The following DENND1A variants were observed in gnomAD, a reference collection of about 807,000 sequenced individuals.
DENND1A encodes the protein DENN domain containing 1A.
Under a neutral mutation model 113.7 loss-of-function variants are expected in DENND1A, and 51 were observed. The observed-to-expected ratio is 0.45, with a 90% confidence interval of 0.36 to 0.57. The LOEUF is 0.57. DENND1A is among the 20% of genes least tolerant of loss of function. DENND1A has a pLI of 0.00. For missense variants in DENND1A, 1,258 were observed against 1,395.9 expected (o/e 0.90, Z 1.57); for synonymous variants, 565 against 570.8 (o/e 0.99, Z 0.14).
At chr9:123,868,412 A>G (rs1846082194) in intron 2 of DENND1A, among the ~76,000 whole-genome samples, 1 of 152,228 alleles carries the variant, frequency 6.6e-6, no homozygotes, top group Non-Finnish European at 1.5e-5. Flanking sequence ...GCTTTAAACA[A>G]AAGTAAGTTA....
At chr9:123,748,347 T>C (rs370811867) in intron 5 of DENND1A, among the ~76,000 whole-genome samples, 2 of 152,234 alleles carry the variant, frequency 1.3e-5, no homozygotes, top group South Asian at 2.1e-4. Flanking sequence ...AGAAAGTGTA[T>C]CTTTATAATC....
At chr9:123,651,383 C>T (rs2062643374) in intron 9 of DENND1A, among the ~76,000 whole-genome samples, 1 of 152,210 alleles carries the variant, frequency 6.6e-6, no homozygotes, top group South Asian at 2.1e-4. Context: ...CACCTGAGCA[C>T]ATGCACGTAC....
intron 18 of DENND1A, among the ~76,000 whole-genome samples, chr9:123,450,223 A>C (rs953530570): frequency 2.0e-5 from 3 of 152,120 alleles, no homozygotes; most frequent in Non-Finnish European, 4.4e-5. Flanking sequence ...AGGTAAGCCC[A>C]CGGCATTCTG....
chr9:123,922,366 G>T (rs182777620), intron 1 of DENND1A, among the ~76,000 whole-genome samples: 2 of 152,206 alleles, frequency 1.3e-5, no homozygotes, highest in Admixed American at 1.3e-4. Context: ...CAGTAAAAAA[G>T]TGAGCATACA....
chr9:123,686,721 T>C (rs2064833761), intron 5 of DENND1A, among the ~76,000 whole-genome samples: 1 of 152,226 alleles, frequency 6.6e-6, no homozygotes, highest in Non-Finnish European at 1.5e-5. Context: ...TGCTATACCC[T>C]AAATGCATAT....
intron 5 of DENND1A, among the ~76,000 whole-genome samples, chr9:123,686,380 A>G (rs12003386): frequency 0.073 from 11,139 of 152,278 alleles, 494 homozygotes; most frequent in Middle Eastern, 0.12. Context: ...ACGTACAATG[A>G]TAAATCCTGA....
At chr9:123,446,822 T>TA (rs1200635391) in intron 18 of DENND1A, among the ~76,000 whole-genome samples, 6 of 150,214 alleles carry the variant, frequency 4.0e-5, no homozygotes, top group Non-Finnish European at 8.9e-5. Context: ...AAAAACAAAA[T>TA]AAAAAAAAGA....
intron 13 of DENND1A, among the ~76,000 whole-genome samples, chr9:123,530,969 T>C (rs1030213370): frequency 1.3e-5 from 2 of 152,206 alleles, no homozygotes; most frequent in African/African-American, 2.4e-5. Flanking sequence ...TGGTTGACCT[T>C]GATAACTGAA....
intron 1 of DENND1A, among the ~76,000 whole-genome samples, chr9:123,920,426 T>A (rs1856019344): frequency 6.6e-6 from 1 of 152,104 alleles, no homozygotes; most frequent in Non-Finnish European, 1.5e-5. Context: ...CAAGGCTCTG[T>A]CACACACACA....
chr9:123,804,121 G>T (rs1317705918), intron 2 of DENND1A, among the ~76,000 whole-genome samples: 1 of 152,204 alleles, frequency 6.6e-6, no homozygotes, highest in Non-Finnish European at 1.5e-5. Context: ...ATAAGGGTGG[G>T]TCTTTCCTGC....
At chr9:123,766,289 C>A (rs968600417) in intron 4 of DENND1A, among the ~76,000 whole-genome samples, 1 of 152,170 alleles carries the variant, frequency 6.6e-6, no homozygotes, top group Non-Finnish European at 1.5e-5. Flanking sequence ...ACCTCACTAT[C>A]CTTTGGGTCG....
intron 16 of DENND1A, among the ~76,000 whole-genome samples, chr9:123,454,146 C>A (rs976073629): frequency 6.6e-6 from 1 of 152,238 alleles, no homozygotes; most frequent in Non-Finnish European, 1.5e-5. Context: ...TCCCCCAGGG[C>A]AGGGCCTGTA....
intron 1 of DENND1A, 49 bp from the exon 2 acceptor site, chr9:123,879,070 G>A (rs1847942258): frequency 4.4e-6 from 7 of 1,576,346 alleles, no homozygotes; most frequent in Non-Finnish European, 6.1e-6. Context: ...AGGCAGCATG[G>A]TATAGAACAT....
At chr9:123,590,717 T>C (rs543879834) in intron 11 of DENND1A, among the ~76,000 whole-genome samples, 1 of 152,338 alleles carries the variant, frequency 6.6e-6, no homozygotes, top group South Asian at 2.1e-4. Context: ...AACCATATAC[T>C]TTAAATGGAT....
intron 5 of DENND1A, among the ~76,000 whole-genome samples, chr9:123,733,670 ATT>A (rs747578846): frequency 7.4e-6 from 1 of 135,526 alleles, no homozygotes; most frequent in Non-Finnish European, 1.6e-5. Flanking sequence ...CTTGTTGGTT[ATT>A]TTTTTTTTTT....
In DENND1A at chr9:123,918,474, G is replaced by C. The variant is rs960079709; in HGVS notation, c.17+11415C>G. Reference sequence around the variant, plus strand: ...CTGCTCTCCAGCCTGGGCAATAGAGGGAGACTCCGTCTCAGAAAAAAAAAA... The same window carrying C: ...CTGCTCTCCAGCCTGGGCAATAGAGCGAGACTCCGTCTCAGAAAAAAAAAA... On this transcript the variant is annotated intron_variant, in intron 1 of 23. Transcript: ENST00000394215. Among the ~76,000 whole-genome samples the C allele has an allele frequency of 4.1e-5, 6 of 144,580 alleles. No individual in the cohort carries two copies. In the South Asian group the frequency reaches 9.3e-4, roughly 22 times the overall value. The allele number at this position is 144,580 out of a possible 152,430, so 94.9% of individuals were successfully genotyped here.
At chr9:123,546,345 A>G (rs28368299) in intron 13 of DENND1A, among the ~76,000 whole-genome samples, 1,886 of 152,082 alleles carry the variant, frequency 0.012, 40 homozygotes, top group African/African-American at 0.041. Flanking sequence ...TCAGGAGATC[A>G]AGACCATCCT....
chr9:123,537,722 C>T (rs1238295414), intron 13 of DENND1A, among the ~76,000 whole-genome samples: 2 of 151,418 alleles, frequency 1.3e-5, no homozygotes, highest in African/African-American at 4.8e-5. Context: ...TTATCATTAA[C>T]TTTGACAGCA....
intron 19 of DENND1A, among the ~76,000 whole-genome samples, chr9:123,438,437 G>C (rs768074559): frequency 3.0e-4 from 45 of 152,300 alleles, no homozygotes; most frequent in Admixed American, 1.2e-3. Context: ...AAAATAAATA[G>C]AGTGTAGACT....
Sources: gnomAD v4.1 joint callset for allele counts (sites outside exome capture counted in the v4.1 genomes callset) on GRCh38, gnomAD v4.1.1 for gene constraint, MANE v1.5 for transcripts, NCBI Gene and HGNC (gene_info 2026-07-23, HGNC 2026-07-21) for gene names.